Variants in CNTN5 observed in about 807,000 individuals in gnomAD.
The protein encoded by CNTN5 is contactin 5.
Under a neutral mutation model 129.1 loss-of-function variants are expected in CNTN5, and 77 were observed. That is an observed-to-expected ratio of 0.60 (90% CI 0.50 to 0.72). The LOEUF (loss-of-function observed/expected upper bound fraction) is 0.72. Among genes scored for constraint, CNTN5 ranks in the 30% least tolerant of loss-of-function variants. CNTN5 has a pLI of 0.00. For missense variants in CNTN5, 1,478 were observed against 1,328.8 expected, an observed-to-expected ratio of 1.11 and a Z score of -1.75; for synonymous variants, 509 against 465.6, an observed-to-expected ratio of 1.09 and a Z score of -1.20.
At chr11:99,071,415 A>C (rs971434387) in intron 1 of CNTN5, among the ~76,000 whole-genome samples, 1 of 152,170 alleles carries the variant, frequency 6.6e-6, no homozygotes, top group Non-Finnish European at 1.5e-5. Context: ...CCACAAAACC[A>C]GGACAAAGGG....
At chr11:99,764,623 T>A (rs1944692943) in intron 3 of CNTN5, among the ~76,000 whole-genome samples, 1 of 152,080 alleles carries the variant, frequency 6.6e-6, no homozygotes, top group African/African-American at 2.4e-5. Context: ...TTCATGTTGG[T>A]CAGGCTAGTC....
chr11:100,188,034 G>A (rs73000835), intron 13 of CNTN5, among the ~76,000 whole-genome samples: 6,263 of 152,090 alleles, frequency 0.041, 198 homozygotes, highest in East Asian at 0.18. Flanking sequence ...CTCAAACTAC[G>A]CACACAACAA....
intron 3 of CNTN5, among the ~76,000 whole-genome samples, chr11:99,802,451 G>T (rs74399970): frequency 2.0e-5 from 3 of 152,128 alleles, no homozygotes; most frequent in African/African-American, 7.2e-5. Context: ...TAATAGTGCC[G>T]TTTGCAAGGG....
chr11:100,091,424 C>CTTTTTTTTTTTTTTTTTTTTTTTTTT (rs60075209), intron 13 of CNTN5, among the ~76,000 whole-genome samples: 2 of 114,442 alleles, frequency 1.7e-5, no homozygotes, highest in South Asian at 2.8e-4. Context: ...TTTATTTATT[C>CTTTTTTTTTTTTTTTTTTTTTTTTTT]TTTTTTTTTT....
At chr11:99,592,331 G>A (rs531626071) in intron 3 of CNTN5, among the ~76,000 whole-genome samples, 9 of 152,204 alleles carry the variant, frequency 5.9e-5, no homozygotes, top group South Asian at 2.1e-4. Context: ...AACAATGTCC[G>A]GGGAAGGAAT....
chr11:100,298,748 A>G (rs1951152580), intron 19 of CNTN5, among the ~76,000 whole-genome samples: 1 of 151,422 alleles, frequency 6.6e-6, no homozygotes, highest in Non-Finnish European at 1.5e-5. Flanking sequence ...AAAAGGTTTT[A>G]ACATCATTAT....
At chr11:99,489,787 C>T (rs993189515) in intron 2 of CNTN5, among the ~76,000 whole-genome samples, 1 of 151,948 alleles carries the variant, frequency 6.6e-6, no homozygotes, top group Admixed American at 6.6e-5. Flanking sequence ...AGACCTCTTG[C>T]AGGGAGAATG....
In CNTN5 at chr11:99,207,769, A is replaced by G. The variant is rs78595677; in HGVS notation, c.-209-117577A>G. ...GATTTACACTATTTCTCTAACTTTAAAAAGTAGTCTGCATTTCAAGTGGTC... is the reference window on the plus strand; with the variant it reads ...GATTTACACTATTTCTCTAACTTTAGAAAGTAGTCTGCATTTCAAGTGGTC... On this transcript the variant is annotated intron_variant, in intron 1 of 24. Coordinates refer to ENST00000524871, the MANE Select transcript of CNTN5 (RefSeq NM_014361.4). Among the ~76,000 whole-genome samples, 647 of 152,298 alleles carry G rather than the reference A, an allele frequency of 4.2e-3. 6 individuals are homozygous for G. The highest frequency in any genetic ancestry group is 0.013 in the African/African-American group (548 of 41,576).
chr11:99,746,438 C>A (rs965542817), intron 3 of CNTN5, among the ~76,000 whole-genome samples: 14 of 152,152 alleles, frequency 9.2e-5, no homozygotes, highest in African/African-American at 3.1e-4. Context: ...CATGAAGGGT[C>A]CTCCACCCCC....
intron 3 of CNTN5, among the ~76,000 whole-genome samples, chr11:99,657,188 TC>T (rs1243878791): frequency 6.6e-6 from 1 of 152,076 alleles, no homozygotes; most frequent in Non-Finnish European, 1.5e-5. Context: ...CAAAAAACAT[TC>T]CTAACCATCT....
chr11:100,281,899 A>G (rs895595272), intron 18 of CNTN5, among the ~76,000 whole-genome samples: 1 of 151,200 alleles, frequency 6.6e-6, no homozygotes, highest in Admixed American at 6.6e-5. Flanking sequence ...TGTCAGTTGC[A>G]TTTTTCAGCT....
chr11:99,130,930 G>A (rs1363398347), intron 1 of CNTN5, among the ~76,000 whole-genome samples: 1 of 152,078 alleles, frequency 6.6e-6, no homozygotes, highest in Non-Finnish European at 1.5e-5. Context: ...AAAGAGACAT[G>A]GACCAGAATC....
chr11:99,082,187 G>GTT, intron 1 of CNTN5, among the ~76,000 whole-genome samples: 1 of 133,268 alleles, frequency 7.5e-6, no homozygotes. Context: ...TTCTCCAAAA[G>GTT]CTTTTTTTTT....
chr11:99,568,206 T>C (rs1385263317), intron 3 of CNTN5, among the ~76,000 whole-genome samples: 1 of 152,210 alleles, frequency 6.6e-6, no homozygotes, highest in Non-Finnish European at 1.5e-5. Context: ...ACATCATCTC[T>C]TCTTTAAACT....
At chr11:99,458,030 A>G (rs1478942658) in intron 2 of CNTN5, among the ~76,000 whole-genome samples, 1 of 151,940 alleles carries the variant, frequency 6.6e-6, no homozygotes, top group Non-Finnish European at 1.5e-5. Flanking sequence ...TTATATAATC[A>G]TTATGAGTAC....
At chr11:99,635,532 A>T (rs575612459) in intron 3 of CNTN5, among the ~76,000 whole-genome samples, 61 of 151,988 alleles carry the variant, frequency 4.0e-4, no homozygotes, top group African/African-American at 8.7e-4. Flanking sequence ...TCTACTCCCT[A>T]CCTTTCTGCT....
At chr11:100,063,706 T>TAAAAAAAAAAAA (rs35896237) in intron 10 of CNTN5, among the ~76,000 whole-genome samples, 1 of 115,284 alleles carries the variant, frequency 8.7e-6, no homozygotes, top group African/African-American at 3.3e-5. Context: ...AACCTGTCTC[T>TAAAAAAAAAAAA]AAAAAAAAAA....
intron 3 of CNTN5, among the ~76,000 whole-genome samples, chr11:99,677,778 T>C (rs1953357110): frequency 6.6e-6 from 1 of 152,188 alleles, no homozygotes; most frequent in South Asian, 2.1e-4. Flanking sequence ...TATGTACCTA[T>C]GTGTAAACAT....
intron 9 of CNTN5, among the ~76,000 whole-genome samples, chr11:100,018,024 T>C (rs1202338473): frequency 6.6e-6 from 1 of 151,996 alleles, no homozygotes; most frequent in Non-Finnish European, 1.5e-5. Flanking sequence ...ATAACAAATA[T>C]TCTAATACAT....
Sources: gnomAD v4.1 joint callset for allele counts (sites outside exome capture counted in the v4.1 genomes callset) on GRCh38, gnomAD v4.1.1 for gene constraint, MANE v1.5 for transcripts, NCBI Gene and HGNC (gene_info 2026-07-23, HGNC 2026-07-21) for gene names.